The following SBF2 variants were observed in gnomAD, a reference collection of about 807,000 sequenced individuals.
SBF2 encodes myotubularin-related protein 13.
A neutral mutation model predicts 225.2 loss-of-function variants in SBF2; 112 were observed. The ratio of observed to expected loss-of-function variants is 0.50; its 90% CI spans 0.43 to 0.58. SBF2 has a LOEUF of 0.58. SBF2 is among the 20% of genes least tolerant of loss of function. The probability of loss-of-function intolerance (pLI) is 0.00; values close to 1 mark genes in which losing one functional copy is unlikely to be tolerated. For synonymous variants in SBF2, 763 were observed against 773.3 expected (o/e 0.99, Z 0.22); for missense variants, 1,996 against 2,206.2 (o/e 0.90, Z 1.91).
chr11:9,966,369 C>T (rs183461272), intron 14 of SBF2, among the ~76,000 whole-genome samples: 139 of 152,258 alleles, frequency 9.1e-4, no homozygotes, highest in African/African-American at 2.9e-3. Context: ...GGATTATGGG[C>T]GTGAGCCACC....
At chr11:10,002,449 A>C in intron 7 of SBF2, 108 bp downstream of exon 7, 1 of 903,970 alleles carries the variant, frequency 1.1e-6, no homozygotes, top group Non-Finnish European at 1.7e-6. Context: ...ATAACTTTGT[A>C]AAATATCCCT....
intron 1 of SBF2, among the ~76,000 whole-genome samples, chr11:10,198,633 C>A (rs530117884): frequency 6.6e-6 from 1 of 152,358 alleles, no homozygotes; most frequent in South Asian, 2.1e-4. Context: ...TGCTCTCCAG[C>A]TATGAAAATC....
At position 9,983,875 on chromosome 11, in the gene SBF2, AG is replaced by A. The variant is rs1263235404; in HGVS notation, c.1395+5621del. On this transcript the variant is annotated intron_variant, in intron 13 of 39. Transcript: ENST00000256190. The stretch of plus-strand genomic sequence containing the variant: ...CAGGGAGTCACATCCATAGGAAAAG[AG>A]GGAGAGTACTACACCAAGAGAACAC... Among the ~76,000 whole-genome samples the A allele has an allele frequency of 2.0e-4, 31 of 152,336 alleles. No individual in the cohort carries two copies. The East Asian group carries it at 4.6e-3, about 23-fold the overall frequency.
chr11:9,874,132 A>G (rs1859019855), intron 17 of SBF2, among the ~76,000 whole-genome samples: 1 of 152,180 alleles, frequency 6.6e-6, no homozygotes, highest in South Asian at 2.1e-4. Context: ...TTAAATCTGC[A>G]TGATATTATT....
At chr11:10,229,084 A>G (rs1958707807) in intron 1 of SBF2, among the ~76,000 whole-genome samples, 1 of 151,664 alleles carries the variant, frequency 6.6e-6, no homozygotes, top group South Asian at 2.1e-4. Flanking sequence ...TTTCTTCTAG[A>G]TTTTCTAGTT....
intron 2 of SBF2, among the ~76,000 whole-genome samples, chr11:10,110,632 C>T (rs568558708): frequency 6.6e-5 from 10 of 152,050 alleles, no homozygotes; most frequent in African/African-American, 1.2e-4. Flanking sequence ...ACCAATGACA[C>T]GAGTTTTAAA....
intron 35 of SBF2, among the ~76,000 whole-genome samples, 177 bp downstream of exon 35, chr11:9,788,932 T>C (rs1308062512): frequency 6.6e-6 from 1 of 152,108 alleles, no homozygotes; most frequent in Admixed American, 6.5e-5. Context: ...GAGACTCTTT[T>C]CCAGTAGTGA....
At chr11:10,043,633 G>T (rs1436179055) in intron 2 of SBF2, among the ~76,000 whole-genome samples, 1 of 152,028 alleles carries the variant, frequency 6.6e-6, no homozygotes, top group Non-Finnish European at 1.5e-5. Flanking sequence ...GCAGTGCAGT[G>T]GCATGATCAC....
rs1410877874 is a variant in SBF2, at chr11:9,781,503, T to G, written c.5451+4A>C. The G allele has an allele frequency of 6.2e-7, 1 of 1,614,198 alleles. No individual in the cohort carries two copies. The highest frequency in any genetic ancestry group is 2.2e-5 in the East Asian group (1 of 44,878). On this transcript the variant is annotated splice_donor_region_variant and intron_variant, in intron 39 of 39. Coordinates refer to ENST00000256190, the MANE Select transcript of SBF2 (RefSeq NM_030962.4). Reference sequence around the variant, plus strand: ...CCAGGAAAAGAGAAGTAAGATCAACTTACATCAAAGAAAGCCTTGTCACTT... The same window carrying G: ...CCAGGAAAAGAGAAGTAAGATCAACGTACATCAAAGAAAGCCTTGTCACTT...
At chr11:9,964,872 GT>G (rs551652511) in intron 14 of SBF2, among the ~76,000 whole-genome samples, 2 of 151,314 alleles carry the variant, frequency 1.3e-5, no homozygotes, top group Non-Finnish European at 3.0e-5. Context: ...AGTATCAATA[GT>G]TTTTTTTTGC....
rs1337615969 is a variant in SBF2, at chr11:10,133,524, C to T, written c.141+60378G>A. On this transcript the variant is annotated intron_variant, in intron 2 of 39. Coordinates refer to ENST00000256190, the MANE Select transcript of SBF2 (RefSeq NM_030962.4). ...GCCAGCACTGCTGGGGGACTCAGTACACCCTCCGCAGCCACTGGCCTGGGT... is the reference window on the plus strand; with the variant it reads ...GCCAGCACTGCTGGGGGACTCAGTATACCCTCCGCAGCCACTGGCCTGGGT... Among the ~76,000 whole-genome samples the T allele has an allele frequency of 1.5e-5, 2 of 135,886 alleles. 1 individual carries two copies. Among genetic ancestry groups the T allele is most frequent in the Non-Finnish European group, 3.4e-5 (2 of 58,668 alleles). 89.1% of individuals were successfully genotyped at this position (135,886 alleles called of 152,430 possible). A position where few individuals can be genotyped will look rare whatever the true frequency, so the allele number is the denominator to read the frequency against.
In SBF2 at chr11:9,854,100, A is replaced by G. The variant is rs575628250; in HGVS notation, c.2364-388T>C. On this transcript the variant is annotated intron_variant, in intron 19 of 39. Coordinates refer to ENST00000256190, the MANE Select transcript of SBF2 (RefSeq NM_030962.4). ...TGTCCTCCCAAGTTAATTATTACAT[A>G]GAGAACAAGTAATACAGCTATCTTT... is the stretch of plus-strand genomic sequence containing the variant. Among the ~76,000 whole-genome samples, 393 of 152,342 alleles carry G rather than the reference A, an allele frequency of 2.6e-3. 2 individuals are homozygous for G. Among genetic ancestry groups the G allele is most frequent in the African/African-American group, 9.0e-3 (373 of 41,586 alleles).
intron 7 of SBF2, among the ~76,000 whole-genome samples, chr11:10,001,399 T>C (rs761547078): frequency 2.2e-4 from 33 of 152,064 alleles, no homozygotes; most frequent in Non-Finnish European, 4.3e-4. Flanking sequence ...GATTTATCTA[T>C]ACAAAACAAG....
intron 4 of SBF2, among the ~76,000 whole-genome samples, chr11:10,030,482 A>G (rs530171949): frequency 2.0e-5 from 3 of 152,334 alleles, no homozygotes; most frequent in Non-Finnish European, 4.4e-5. Context: ...ATTCTTTTAT[A>G]ACACAAATAA....
intron 26 of SBF2, among the ~76,000 whole-genome samples, chr11:9,834,284 G>T (rs1247701188): frequency 6.6e-6 from 1 of 151,406 alleles, no homozygotes; most frequent in Non-Finnish European, 1.5e-5. Context: ...TAGAGATGGG[G>T]TTTCTCCATG....
intron 2 of SBF2, among the ~76,000 whole-genome samples, chr11:10,060,518 T>C (rs4350354): frequency 0.46 from 69,891 of 151,988 alleles, 16,478 homozygotes; most frequent in Admixed American, 0.56. Flanking sequence ...GGACTTCTTC[T>C]TAACTCATTC....
intron 6 of SBF2, among the ~76,000 whole-genome samples, chr11:10,025,528 C>T (rs931305277): frequency 1.3e-5 from 2 of 152,128 alleles, no homozygotes; most frequent in Admixed American, 6.6e-5. Flanking sequence ...GTCTGGCTCA[C>T]TTCATTTTCT....
intron 17 of SBF2, among the ~76,000 whole-genome samples, chr11:9,873,205 CAAAAAAAAAAAAA>C (rs56013344): frequency 1.6e-5 from 1 of 60,648 alleles, no homozygotes; most frequent in South Asian, 8.4e-4. Flanking sequence ...GACTCTGTCT[CAAAAAAAAAAAAA>C]AAAAAAAAAA....
At chr11:10,059,123 A>G (rs542587313) in intron 2 of SBF2, among the ~76,000 whole-genome samples, 136 of 152,324 alleles carry the variant, frequency 8.9e-4, no homozygotes, top group Non-Finnish European at 1.5e-3. Flanking sequence ...ATAACCAGCT[A>G]ACAGTACAAT....
Sources: gnomAD v4.1 joint callset for allele counts (sites outside exome capture counted in the v4.1 genomes callset) on GRCh38, gnomAD v4.1.1 for gene constraint, MANE v1.5 for transcripts, NCBI Gene and HGNC (gene_info 2026-07-23, HGNC 2026-07-21) for gene names.